Variants in RBFOX1 observed in about 807,000 individuals in gnomAD.
RBFOX1 encodes RNA binding fox-1 homolog 1.
A neutral mutation model predicts 57.7 loss-of-function variants in RBFOX1; 8 were observed. The observed-to-expected ratio is 0.14, with a 90% CI of 0.08 to 0.25. RBFOX1 has a LOEUF of 0.25. Ranked by LOEUF, RBFOX1 falls within the 10% of genes least tolerant of loss-of-function variation. RBFOX1 has a pLI of 1.00. For missense variants in RBFOX1, 611 were observed against 548.5 expected, an observed-to-expected ratio of 1.11 and a Z score of -1.14; for synonymous variants, 326 against 222.4, an observed-to-expected ratio of 1.47 and a Z score of -4.15.
At chr16:7,010,924 C>G (rs1596920224) in intron 3 of RBFOX1, among the ~76,000 whole-genome samples, 1 of 152,190 alleles carries the variant, frequency 6.6e-6, no homozygotes, top group African/African-American at 2.4e-5. Context: ...AAAGTTCTCC[C>G]ACCAAAGTGA....
At chr16:7,025,240 T>C (rs1472224066) in intron 3 of RBFOX1, among the ~76,000 whole-genome samples, 1 of 152,074 alleles carries the variant, frequency 6.6e-6, no homozygotes, top group African/African-American at 2.4e-5. Context: ...TTAGACCATA[T>C]AGGGTAACTC....
intron 3 of RBFOX1, among the ~76,000 whole-genome samples, chr16:7,030,340 C>A (rs958468333): frequency 6.6e-6 from 1 of 152,140 alleles, no homozygotes; most frequent in African/African-American, 2.4e-5. Context: ...CATTTCCTAG[C>A]ATTGCCATAA....
At chr16:7,574,442 G>A (rs1383463993) in intron 5 of RBFOX1, among the ~76,000 whole-genome samples, 1 of 152,118 alleles carries the variant, frequency 6.6e-6, no homozygotes, top group Non-Finnish European at 1.5e-5. Context: ...AGTCAGGCTG[G>A]GTCCCAAAAC....
chr16:6,431,912 T>A (rs80112309), intron 2 of RBFOX1, among the ~76,000 whole-genome samples: 2 of 102,638 alleles, frequency 1.9e-5, no homozygotes, highest in Non-Finnish European at 4.4e-5. Context: ...TTTCTTTCTT[T>A]CTTTCTTTCT....
intron 4 of RBFOX1, among the ~76,000 whole-genome samples, chr16:7,389,102 G>C (rs1163433541): frequency 3.3e-5 from 5 of 151,988 alleles, no homozygotes; most frequent in Non-Finnish European, 7.4e-5. Flanking sequence ...ATTACAAGTT[G>C]GTCTATTTCT....
At chr16:5,346,142 G>A (rs2065134376) in intron 1 of RBFOX1, among the ~76,000 whole-genome samples, 1 of 152,170 alleles carries the variant, frequency 6.6e-6, no homozygotes, top group African/African-American at 2.4e-5. Flanking sequence ...CACCTCCGTG[G>A]AGCTCCTGGG....
intron 2 of RBFOX1, among the ~76,000 whole-genome samples, chr16:6,646,847 G>T (rs1306008509): frequency 1.3e-5 from 2 of 152,106 alleles, no homozygotes; most frequent in African/African-American, 4.8e-5. Context: ...CTGACTCAGT[G>T]TCCGAAGTCA....
intron 1 of RBFOX1, among the ~76,000 whole-genome samples, chr16:5,335,055 TG>T (rs1230911448): frequency 6.6e-6 from 1 of 152,170 alleles, no homozygotes; most frequent in East Asian, 1.9e-4. Context: ...CAAAAAAAGT[TG>T]TTTCAATTTC....
Position 7,136,244 on chromosome 16 carries a change from G to C in RBFOX1, c.27+84146G>C, listed in dbSNP as rs1412202116. Among the ~76,000 whole-genome samples the C allele has an allele frequency of 7.9e-5, 12 of 152,074 alleles. 1 individual carries two copies. The highest frequency in any genetic ancestry group is 1.0e-4 in the Non-Finnish European group (7 of 68,012). ...CCATATGGTAGCCAGTAATCACAGT[G>C]GATATTGAAATGTAAATTAATTAAA... On this transcript the variant is annotated intron_variant, in intron 4 of 15. Transcript: ENST00000550418.
chr16:7,341,722 C>A (rs184247461), intron 4 of RBFOX1, among the ~76,000 whole-genome samples: 37 of 135,596 alleles, frequency 2.7e-4, no homozygotes, highest in African/African-American at 9.3e-4. Flanking sequence ...TTCCTTCCCT[C>A]CCTCCCTCCC....
Position 6,652,354 on chromosome 16 carries a change from A to G in RBFOX1, c.-63-2249A>G, listed in dbSNP as rs758210230. The stretch of plus-strand genomic sequence containing the variant: ...TCCCAGCTACTCGGGAGGCTGAGGC[A>G]GAAGAATCACTTGAACCTGGGAGGT... On this transcript the variant is annotated intron_variant, in intron 2 of 15. Transcript: ENST00000550418. Among the ~76,000 whole-genome samples the G allele has an allele frequency of 2.6e-5, 4 of 152,126 alleles. No individual in the cohort carries two copies. In the South Asian group the frequency reaches 8.3e-4, roughly 32 times the overall value.
At chr16:6,159,743 A>G (rs1272202567) in intron 1 of RBFOX1, among the ~76,000 whole-genome samples, 2 of 152,206 alleles carry the variant, frequency 1.3e-5, no homozygotes, top group Non-Finnish European at 2.9e-5. Context: ...GTTTCCTTAA[A>G]GATTTCGCAG....
intron 3 of RBFOX1, among the ~76,000 whole-genome samples, chr16:6,735,289 C>T (rs569211291): frequency 4.6e-5 from 7 of 152,308 alleles, no homozygotes; most frequent in Admixed American, 4.6e-4. Context: ...AACTCAGCCA[C>T]TCACCAGTGG....
chr16:7,169,032 C>G (rs1481654516), intron 4 of RBFOX1, among the ~76,000 whole-genome samples: 1 of 152,110 alleles, frequency 6.6e-6, no homozygotes, highest in African/African-American at 2.4e-5. Flanking sequence ...GATTTATAGA[C>G]AGTGTTTGTT....
intron 4 of RBFOX1, among the ~76,000 whole-genome samples, chr16:7,137,932 A>G (rs1432167791): frequency 6.6e-6 from 1 of 152,152 alleles, no homozygotes; most frequent in Non-Finnish European, 1.5e-5. Context: ...CTAATTAAAT[A>G]CTCAATATTT....
chr16:7,213,432 A>C (rs12443552), intron 4 of RBFOX1, among the ~76,000 whole-genome samples: 64,258 of 151,932 alleles, frequency 0.42, 13,734 homozygotes, highest in Middle Eastern at 0.47. Flanking sequence ...GCCTGACATT[A>C]AAGATTCACA....
At position 5,942,381 on chromosome 16, in the gene RBFOX1, T is replaced by C. The variant is rs1026473500; in HGVS notation, c.351+75046T>C. On this transcript the variant is annotated intron_variant, in intron 4 of 19. Coordinates refer to the RBFOX1 transcript ENST00000641259. ...TTCTGGGTGAGAGCTACAGGACTAG[T>C]TGAGTCATGAGTCACGGGTCTGAGT... Among the ~76,000 whole-genome samples, 6 of 152,146 alleles carry C rather than the reference T, an allele frequency of 3.9e-5. No homozygotes were observed. The East Asian group carries it at 1.2e-3, about 29-fold the overall frequency.
Position 7,179,724 on chromosome 16 carries a change from T to C in RBFOX1, c.27+127626T>C, listed in dbSNP as rs118062514. On this transcript the variant is annotated intron_variant, in intron 4 of 15. Coordinates refer to ENST00000550418, the MANE Select transcript of RBFOX1 (RefSeq NM_018723.4). ...GAACTCTTTAAAAAGAAATTCACCA[T>C]CTTCCCAGATTTTTTTTTCTTTTTG... 8.2e-3 allele frequency among the ~76,000 whole-genome samples: 1,242 copies of C among 151,560 alleles called. 17 individuals are homozygous for C. Among genetic ancestry groups the C allele is most frequent in the Non-Finnish European group, 0.013 (877 of 67,664 alleles).
chr16:6,300,497 C>T (rs555220233), intron 1 of RBFOX1, among the ~76,000 whole-genome samples: 1 of 152,152 alleles, frequency 6.6e-6, no homozygotes, highest in African/African-American at 2.4e-5. Flanking sequence ...ACCTACCTCA[C>T]AAAGTTATTA....
Sources: allele counts gnomAD v4.1 joint callset (sites outside exome capture counted in the v4.1 genomes callset), GRCh38; gene constraint gnomAD v4.1.1; transcripts MANE v1.5; gene names NCBI Gene and HGNC (gene_info 2026-07-23, HGNC 2026-07-21).